The following RBM11 variants were observed in gnomAD, a reference collection of about 807,000 sequenced individuals.
RBM11 encodes RNA binding motif protein 11.
A neutral mutation model predicts 21.4 loss-of-function variants in RBM11; 18 were observed. The observed-to-expected ratio is 0.84, with a 90% CI of 0.58 to 1.25. The LOEUF (loss-of-function observed/expected upper bound fraction) is 1.25, where lower values mean the gene tolerates loss of function less well. Among genes scored for constraint, RBM11 ranks in the 50% most tolerant of loss-of-function variants. The pLI is 0.00. For synonymous variants in RBM11, 120 were observed against 116.3 expected (o/e 1.03, Z -0.20); for missense variants, 294 against 331.9 (o/e 0.89, Z 0.89).
chr21:14,227,388 C>G lies in RBM11; in HGVS notation c.*95C>G. 7.6e-7 allele frequency: 1 copy of G among 1,314,752 alleles called. No homozygotes were observed. The highest frequency in any genetic ancestry group is 1.0e-6 in the Non-Finnish European group (1 of 972,396). The allele number at this position is 1,314,752 out of a possible 1,614,324, so 81.4% of individuals were successfully genotyped here. On this transcript the variant is annotated 3_prime_UTR_variant, in exon 5 of 5. Transcript: ENST00000400577. ...ATCAAATAAACAATGTCATGGCTAT[C>G]TTGTCTTTTGAAATATGTAGTAATA...
intron 3 of RBM11, among the ~76,000 whole-genome samples, chr21:14,221,685 C>G (rs1446265181): frequency 6.6e-6 from 1 of 152,120 alleles, no homozygotes; most frequent in East Asian, 1.9e-4. Flanking sequence ...CAATGGTAGC[C>G]TCCACATACA....
In RBM11 at chr21:14,227,744, T is replaced by G. The variant is rs979294330; in HGVS notation, c.*451T>G. The G allele has an allele frequency of 1.9e-5, 3 of 158,410 alleles. No homozygotes were observed. Among genetic ancestry groups the G allele is most frequent in the African/African-American group, 7.2e-5 (3 of 41,522 alleles). The allele number at this position is 158,410 out of a possible 1,614,324, so 9.8% of individuals were successfully genotyped here. A position where few individuals can be genotyped will look rare whatever the true frequency, so the allele number is the denominator to read the frequency against. On this transcript the variant is annotated 3_prime_UTR_variant, in exon 5 of 5. Coordinates refer to ENST00000400577, the MANE Select transcript of RBM11 (RefSeq NM_144770.5). ...TTTAAGGATTGCATATTGTTCCTAA[T>G]GAGGATGTAATAAACAGGCATTAGT...
At chr21:14,226,382 G>A (rs1009999910) in intron 4 of RBM11, among the ~76,000 whole-genome samples, 1 of 152,074 alleles carries the variant, frequency 6.6e-6, no homozygotes, top group African/African-American at 2.4e-5. Context: ...GCTTTAGGAG[G>A]CTGAGGCGGG....
At chr21:14,224,406 A>AT in intron 3 of RBM11, 32 bp from the exon 4 acceptor site, 1 of 1,523,216 alleles carries the variant, frequency 6.6e-7, no homozygotes, top group South Asian at 1.3e-5. Context: ...GAATTTTAAG[A>AT]TTTTATTACT....
chr21:14,224,632 T>C, intron 4 of RBM11, 95 bp downstream of exon 4: 7 of 1,445,220 alleles, frequency 4.8e-6, no homozygotes, highest in Non-Finnish European at 5.5e-6. Flanking sequence ...AAATCTAAAC[T>C]GGGATGAAGG....
rs1979247907 is a variant in RBM11 at position 14,227,895 on chromosome 21, G to C, written c.*602G>C. The C allele has an allele frequency of 6.6e-6, 1 of 152,182 alleles. No individual in the cohort carries two copies. The highest frequency in any genetic ancestry group is 1.5e-5 in the Non-Finnish European group (1 of 68,118). 9.4% of individuals were successfully genotyped at this position (152,182 alleles called of 1,614,324 possible). On this transcript the variant is annotated 3_prime_UTR_variant, in exon 5 of 5. Transcript: ENST00000400577. ...GATAATTATCATGAAACCAACTTTT[G>C]GATCATTCCCTTTTTATACAATTGT...
intron 3 of RBM11, among the ~76,000 whole-genome samples, chr21:14,223,956 C>T (rs1046682929): frequency 1.2e-4 from 19 of 152,218 alleles, no homozygotes; most frequent in Non-Finnish European, 1.5e-4. Flanking sequence ...CACCAGAAGC[C>T]ACCTGATCTT....
intron 4 of RBM11, among the ~76,000 whole-genome samples, chr21:14,225,660 T>TA (rs71183413): frequency 9.8e-4 from 146 of 149,562 alleles, no homozygotes; most frequent in Non-Finnish European, 1.8e-3. Context: ...TAACTTTTGC[T>TA]AAAAAAAAAA....
At chr21:14,226,800 G>T in intron 4 of RBM11, 80 bp from the exon 5 acceptor site, 3 of 1,524,048 alleles carry the variant, frequency 2.0e-6, no homozygotes, top group Non-Finnish European at 2.6e-6. Flanking sequence ...CATGGCTATT[G>T]TATAATACAT....
intron 3 of RBM11, among the ~76,000 whole-genome samples, chr21:14,222,353 A>G (rs1471409461): frequency 1.3e-5 from 2 of 152,110 alleles, no homozygotes; most frequent in Admixed American, 1.3e-4. Flanking sequence ...TACATTTCTA[A>G]TGTTTATCAT....
intron 3 of RBM11, among the ~76,000 whole-genome samples, chr21:14,222,904 G>C (rs368504838): frequency 1.3e-5 from 2 of 151,134 alleles, no homozygotes; most frequent in African/African-American, 4.8e-5. Flanking sequence ...TTAGCATAAA[G>C]GGGGGGAAGC....
At chr21:14,224,194 T>G (rs917222839) in intron 3 of RBM11, among the ~76,000 whole-genome samples, 1 of 152,158 alleles carries the variant, frequency 6.6e-6, no homozygotes, top group Non-Finnish European at 1.5e-5. Context: ...TCATCTTAAC[T>G]AATGATATCT....
Position 14,221,117 on chromosome 21 carries a change from C to T in RBM11, c.280C>T (p.Pro94Ser). 1 of 1,579,448 alleles carries T rather than the reference C, an allele frequency of 6.3e-7. No individual in the cohort carries two copies. Among genetic ancestry groups the T allele is most frequent in the Non-Finnish European group, 8.6e-7 (1 of 1,161,206 alleles). The change falls in exon 3 of 5, where the codon CCA becomes TCA. Residue 94 changes from proline (P) to serine (S), a missense_variant. Pro to Ser is a moderately conservative substitution (Grantham distance 74). Coordinates refer to ENST00000400577, the MANE Select transcript of RBM11 (RefSeq NM_144770.5). The stretch of plus-strand genomic sequence containing the variant: ...CAAAGGGAGTTCTCGCTCTTCTGAA[C>T]CAGCTAACCAAAGTTTTGAGAGCTG... ...YRFGSSRSSE[P>S]ANQSFESCVK...
intron 3 of RBM11, among the ~76,000 whole-genome samples, chr21:14,222,637 A>G (rs1978768595): frequency 6.6e-6 from 1 of 152,152 alleles, no homozygotes; most frequent in Admixed American, 6.5e-5. Flanking sequence ...GAGGTGGTGA[A>G]ATTAGATTGC....
intron 4 of RBM11, 124 bp downstream of exon 4, chr21:14,224,661 T>TGGAGGACAGTGCTGG: frequency 2.2e-6 from 3 of 1,335,938 alleles, no homozygotes; most frequent in Non-Finnish European, 3.0e-6. Context: ...GTCCCAGCAC[T>TGGAGGACAGTGCTGG]GTCCTCCAGT....
chr21:14,225,113 G>GA (rs999481036), intron 4 of RBM11, among the ~76,000 whole-genome samples: 51 of 145,920 alleles, frequency 3.5e-4, no homozygotes, highest in Middle Eastern at 6.9e-3. Context: ...TGTCTCAAAA[G>GA]AAAAAAAAAA....
At chr21:14,218,839 CTG>C (rs1482017368) in intron 1 of RBM11, among the ~76,000 whole-genome samples, 1 of 152,038 alleles carries the variant, frequency 6.6e-6, no homozygotes, top group African/African-American at 2.4e-5. Context: ...ATATTTGGCT[CTG>C]TGTTTTTAAA....
chr21:14,223,079 A>C (rs1178557622), intron 3 of RBM11, among the ~76,000 whole-genome samples: 1 of 152,218 alleles, frequency 6.6e-6, no homozygotes, highest in Non-Finnish European at 1.5e-5. Flanking sequence ...ACTAGAATAT[A>C]GCAGTCAAAC....
At chr21:14,226,487 C>T (rs899257169) in intron 4 of RBM11, among the ~76,000 whole-genome samples, 4 of 151,816 alleles carry the variant, frequency 2.6e-5, no homozygotes, top group Admixed American at 1.3e-4. Flanking sequence ...GGTGTGGTGG[C>T]GTGTGCCTGT....
Sources: allele counts gnomAD v4.1 joint callset (sites outside exome capture counted in the v4.1 genomes callset), GRCh38; gene constraint gnomAD v4.1.1; transcripts MANE v1.5; gene names NCBI Gene and HGNC (gene_info 2026-07-23, HGNC 2026-07-21).